USP40: variants seen among roughly 807,000 people sequenced by gnomAD.
The protein encoded by USP40 is ubiquitin specific peptidase 40.
USP40 carries 143 observed loss-of-function variants against 166.2 expected under a neutral mutation model. The observed-to-expected ratio is 0.86, with a 90% CI of 0.75 to 0.99. The LOEUF (loss-of-function observed/expected upper bound fraction) is 0.99, where lower values mean the gene tolerates loss of function less well. USP40 is among the 50% of genes least tolerant of loss of function. The pLI is 0.00. For missense variants in USP40, 1,444 were observed against 1,479.7 expected, an observed-to-expected ratio of 0.98 and a Z score of 0.40; for synonymous variants, 498 against 524.0, an observed-to-expected ratio of 0.95 and a Z score of 0.68.
Position 233,489,527 on chromosome 2 carries a change from C to T in USP40, c.3013-44G>A. 4 of 1,472,994 alleles carry T rather than the reference C, an allele frequency of 2.7e-6. 1 individual carries two copies. The highest frequency in any genetic ancestry group is 3.5e-4 in the Middle Eastern group (2 of 5,672). 91.2% of individuals were successfully genotyped at this position (1,472,994 alleles called of 1,614,324 possible). On this transcript the variant is annotated intron_variant, in intron 26 of 31. Transcript: ENST00000678225. ...ATTTCTCCAACGGTTTTAAAAAGCA[C>T]TCTTCAAAACATACTGTTTTAGAAA...
At chr2:233,553,804 C>T (rs760693781) in intron 6 of USP40, among the ~76,000 whole-genome samples, 1 of 151,462 alleles carries the variant, frequency 6.6e-6, no homozygotes, top group Non-Finnish European at 1.5e-5. Context: ...CCTCTTAGCT[C>T]TCACATGGCA....
chr2:233,531,922 C>A (rs772822139), intron 11 of USP40, among the ~76,000 whole-genome samples: 36 of 152,172 alleles, frequency 2.4e-4, no homozygotes, highest in Non-Finnish European at 4.9e-4. Flanking sequence ...GGTCTGGAGA[C>A]AGGGAACCTA....
Position 233,486,022 on chromosome 2 carries a change from A to G in USP40, c.3198-45T>C. The G allele has an allele frequency of 6.6e-7, 1 of 1,526,612 alleles. No individual in the cohort carries two copies. Among genetic ancestry groups the G allele is most frequent in the Non-Finnish European group, 8.8e-7 (1 of 1,141,014 alleles). 94.6% of individuals were successfully genotyped at this position (1,526,612 alleles called of 1,614,324 possible). Reference sequence around the variant, plus strand: ...AGCGCCAGATCCAAACAAACAAACAAAACCACGTGGTAACTTGAGGCATAA... The same window carrying G: ...AGCGCCAGATCCAAACAAACAAACAGAACCACGTGGTAACTTGAGGCATAA... On this transcript the variant is annotated intron_variant, in intron 28 of 31. Transcript: ENST00000678225. The surrounding 1 kb of genome is among the most constrained non-coding windows in gnomAD (Gnocchi z 4.0).
intron 24 of USP40, 39 bp downstream of exon 24, chr2:233,496,719 T>G: frequency 6.5e-7 from 1 of 1,537,346 alleles, no homozygotes. Context: ...AGATAACAAT[T>G]ATTACTTAAG....
At chr2:233,515,033 T>G (rs2067090972) in intron 18 of USP40, among the ~76,000 whole-genome samples, 1 of 152,184 alleles carries the variant, frequency 6.6e-6, no homozygotes, top group Admixed American at 6.5e-5. Flanking sequence ...ACTTTCTTTC[T>G]CTTGGCATAA....
chr2:233,556,555 T>C (rs1032199048), intron 5 of USP40: 14 of 175,854 alleles, frequency 8.0e-5, no homozygotes, highest in African/African-American at 3.1e-4. Context: ...CCAACCATGA[T>C]GACACTGGCT....
chr2:233,555,362 G>A (rs2070975137), intron 5 of USP40, among the ~76,000 whole-genome samples: 1 of 152,118 alleles, frequency 6.6e-6, no homozygotes, highest in Non-Finnish European at 1.5e-5. Context: ...TTATAGTTCT[G>A]TATGTGTGTG....
intron 17 of USP40, 61 bp from the exon 18 acceptor site, chr2:233,519,732 G>T: frequency 4.3e-6 from 4 of 937,828 alleles, no homozygotes; most frequent in African/African-American, 3.4e-5. Context: ...TGAAAATGAG[G>T]ATTGTCACTG....
intron 12 of USP40, among the ~76,000 whole-genome samples, 177 bp downstream of exon 12, chr2:233,529,254 G>C (rs1344611042): frequency 1.3e-5 from 2 of 152,160 alleles, no homozygotes; most frequent in African/African-American, 4.8e-5. Context: ...ACACATAAGG[G>C]ATAATTTCAG....
At chr2:233,522,754 G>GTC (rs2067746038) in intron 16 of USP40, among the ~76,000 whole-genome samples, 1 of 152,132 alleles carries the variant, frequency 6.6e-6, no homozygotes, top group South Asian at 2.1e-4. Context: ...TGTCTTATGG[G>GTC]TCTCCTGAAA....
chr2:233,538,101 T>C (rs373605894), intron 10 of USP40, among the ~76,000 whole-genome samples: 3 of 152,136 alleles, frequency 2.0e-5, no homozygotes, highest in South Asian at 2.1e-4. Flanking sequence ...TAATTTATCA[T>C]GTTAATTTAT....
chr2:233,542,364 C>A lies in USP40; in HGVS notation c.967-1G>T. 1 of 1,534,498 alleles carries A rather than the reference C, an allele frequency of 6.5e-7. No homozygotes were observed. Among genetic ancestry groups the A allele is most frequent in the South Asian group, 1.2e-5 (1 of 83,314 alleles). On this transcript the variant is annotated splice_acceptor_variant, in intron 8 of 31. Transcript: ENST00000678225. LOFTEE classifies it high-confidence loss of function. ...TCACATCTGGTTTACTTTTTTCCTC[C>A]TAGGAAGGAAAACAGTATGAGTTTC...
intron 21 of USP40, among the ~76,000 whole-genome samples, chr2:233,503,755 C>A (rs1324145672): frequency 6.6e-6 from 1 of 152,064 alleles, no homozygotes; most frequent in Non-Finnish European, 1.5e-5. Flanking sequence ...ACCAATCTTA[C>A]AAGAAAATAC....
intron 12 of USP40, among the ~76,000 whole-genome samples, chr2:233,528,621 T>C (rs1468129877): frequency 2.6e-5 from 4 of 152,228 alleles, no homozygotes; most frequent in Admixed American, 1.3e-4. Flanking sequence ...ATGCAGGTTA[T>C]TTTTTAGACT....
chr2:233,563,833 C>T (rs2071883747), intron 2 of USP40, among the ~76,000 whole-genome samples: 1 of 152,132 alleles, frequency 6.6e-6, no homozygotes, highest in Non-Finnish European at 1.5e-5. Context: ...GCCAGCAATC[C>T]CCTCTGCTGG....
intron 3 of USP40, chr2:233,561,004 T>C (rs1426479881): frequency 6.7e-6 from 6 of 892,776 alleles, no homozygotes; most frequent in East Asian, 2.6e-5. Flanking sequence ...GCAAATTCCA[T>C]TACCCATAGG....
chr2:233,559,664 G>A, intron 4 of USP40, 147 bp downstream of exon 4: 1 of 510,526 alleles, frequency 2.0e-6, no homozygotes, highest in South Asian at 4.3e-5. Flanking sequence ...TATATTTCTG[G>A]CTTGTAATTT....
rs2064519906 is a variant in USP40 at position 233,480,667 on chromosome 2, G to C, written c.3599+536C>G. On this transcript the variant is annotated intron_variant, in intron 31 of 31. Coordinates refer to ENST00000678225, the MANE Select transcript of USP40 (RefSeq NM_001365479.2). This position sits in a 1 kb window ranked among gnomAD's most constrained non-coding sequence, Gnocchi z 4.5. Reference sequence around the variant, plus strand: ...AGGCAAGGAGTCCTGAGCAGAGGTAGAAGATGGCCTGTGGCAGCGGAGTCC... The same window carrying C: ...AGGCAAGGAGTCCTGAGCAGAGGTACAAGATGGCCTGTGGCAGCGGAGTCC... Among the ~76,000 whole-genome samples the C allele has an allele frequency of 6.6e-6, 1 of 152,258 alleles. No individual in the cohort carries two copies. Among genetic ancestry groups the C allele is most frequent in the Non-Finnish European group, 1.5e-5 (1 of 68,048 alleles).
At chr2:233,499,997 G>A (rs1289381073) in intron 21 of USP40, 82 bp from the exon 22 acceptor site, 2 of 1,165,262 alleles carry the variant, frequency 1.7e-6, no homozygotes, top group South Asian at 1.4e-5. Context: ...TGGACCCTAG[G>A]CCTATTTAAG....
Sources: gnomAD v4.1 joint callset for allele counts (sites outside exome capture counted in the v4.1 genomes callset) on GRCh38, gnomAD v4.1.1 for gene constraint, Gnocchi (gnomAD v3.1) non-coding constraint, MANE v1.5 for transcripts, NCBI Gene and HGNC (gene_info 2026-07-23, HGNC 2026-07-21) for gene names.